MASP1: variants seen among roughly 807,000 people sequenced by gnomAD.
MASP1 encodes the protein mannan-binding lectin serine protease 1.
In MASP1, 59 loss-of-function variants were observed where a neutral mutation model predicts 77.1. The observed-to-expected ratio is 0.77, with a 90% CI of 0.62 to 0.95. The LOEUF is 0.95. MASP1 is among the 40% of genes least tolerant of loss of function. The pLI is 0.00. For synonymous variants in MASP1, 362 were observed against 354.5 expected, an observed-to-expected ratio of 1.02 and a Z score of -0.24; for missense variants, 885 against 912.9, an observed-to-expected ratio of 0.97 and a Z score of 0.39.
chr3:187,221,116 C>G (rs1438659662), exon 15 of MASP1: 2 of 1,613,934 alleles, frequency 1.2e-6, no homozygotes, highest in Non-Finnish European at 1.7e-6. Flanking sequence ...GTGCTGTGGT[C>G]AACAATCGGG....
downstream of MASP1, among the ~76,000 whole-genome samples, chr3:187,232,445 T>G (rs1275171249): frequency 6.6e-6 from 1 of 152,198 alleles, no homozygotes; most frequent in Non-Finnish European, 1.5e-5. Flanking sequence ...TACTGCCTAC[T>G]TACATTTCCA....
rs182518480 is a variant in MASP1, at chr3:187,250,287, C to G, written c.1054G>C (p.Asp352His). 6.2e-6 allele frequency: 10 copies of G among 1,613,994 alleles called. No homozygotes were observed. In the East Asian group the frequency reaches 2.0e-4, roughly 32 times the overall value. ...MDTFQIECLKDGTWSNKIPTC... is the reference protein window; with the variant it reads ...MDTFQIECLKHGTWSNKIPTC... ...GGAATCTTGTTACTCCACGTCCCAT[C>G]CTTCAGACACTCAATCTGGAATGTG... Residue 352 changes from aspartate (D) to histidine (H), a missense_variant, in exon 8 of 11, where the codon GAT becomes CAT. Coordinates refer to ENST00000296280, the MANE Select transcript of MASP1 (RefSeq NM_139125.4).
intron 10 of MASP1, among the ~76,000 whole-genome samples, chr3:187,239,356 A>G (rs1480892624): frequency 6.6e-6 from 1 of 152,188 alleles, no homozygotes; most frequent in African/African-American, 2.4e-5. Context: ...CTGTCTCAAA[A>G]AAAAGGTCAG....
intron 7 of MASP1, among the ~76,000 whole-genome samples, chr3:187,250,702 C>T (rs1164143847): frequency 6.6e-6 from 1 of 152,154 alleles, no homozygotes; most frequent in Non-Finnish European, 1.5e-5. Flanking sequence ...GTTTCTGATT[C>T]AGTGAGGCTG....
rs138989954 is a variant in MASP1, at chr3:187,226,525, G to C, written c.1442-5C>G. The C allele has an allele frequency of 3.3e-3, 5,292 of 1,597,330 alleles. 21 individuals are homozygous for C. Among genetic ancestry groups the C allele is most frequent in the Middle Eastern group, 5.0e-3 (30 of 6,046 alleles). On this transcript the variant is annotated splice_polypyrimidine_tract_variant and splice_region_variant and intron_variant, in intron 11 of 15. Transcript: ENST00000337774. ...CGGTCACGATCCAGCTGGAGCCTGG[G>C]GAACAGAACACACGTCTCATCGTCC...
chr3:187,224,180 T>G (rs1342108336), intron 13 of MASP1, among the ~76,000 whole-genome samples: 1 of 152,164 alleles, frequency 6.6e-6, no homozygotes, highest in African/African-American at 2.4e-5. Context: ...GGGTCACCTA[T>G]GTTTAAGTAT....
intron 2 of MASP1, chr3:187,263,268 G>A (rs1715757360): frequency 6.3e-6 from 1 of 158,448 alleles, no homozygotes; most frequent in Admixed American, 5.9e-5. Context: ...ACAAGCAGAA[G>A]CACTGCATAT....
At chr3:187,274,847 A>G (rs1716829773) in intron 2 of MASP1, among the ~76,000 whole-genome samples, 2 of 152,160 alleles carry the variant, frequency 1.3e-5, no homozygotes, top group African/African-American at 4.8e-5. Context: ...AAAGGGCAGC[A>G]TGAGCAGAGG....
downstream of MASP1, among the ~76,000 whole-genome samples, chr3:187,232,834 T>C (rs555082787): frequency 6.6e-6 from 1 of 152,284 alleles, no homozygotes; most frequent in Non-Finnish European, 1.5e-5. Context: ...CTTCAAACCA[T>C]AAAGTGCAAA....
chr3:187,259,408 G>A (rs1715368954), intron 4 of MASP1, among the ~76,000 whole-genome samples: 1 of 152,106 alleles, frequency 6.6e-6, no homozygotes. Context: ...CTTCTTGGTG[G>A]GGAAGGTCTT....
chr3:187,290,891 G>C (rs1521597), intron 1 of MASP1, among the ~76,000 whole-genome samples: 10,990 of 152,010 alleles, frequency 0.072, 1,291 homozygotes, highest in African/African-American at 0.25. Context: ...GTCTGGTAAG[G>C]AGTGTCAAGT....
chr3:187,232,410 C>T (rs185554927), downstream of MASP1, among the ~76,000 whole-genome samples: 196 of 152,280 alleles, frequency 1.3e-3, no homozygotes, highest in African/African-American at 4.4e-3. Flanking sequence ...TAAATCTGCC[C>T]TGTCCTCTAA....
At chr3:187,286,806 G>A (rs1371540675) in intron 1 of MASP1, among the ~76,000 whole-genome samples, 1 of 152,186 alleles carries the variant, frequency 6.6e-6, no homozygotes, top group African/African-American at 2.4e-5. Context: ...ATTCCCCTGT[G>A]AGGTCCAGTA....
chr3:187,247,363 G>T, intron 8 of MASP1: 1 of 1,613,966 alleles, frequency 6.2e-7, no homozygotes, highest in Admixed American at 1.7e-5. Context: ...ACTTGAGTTC[G>T]CTCTCCAGAT....
rs760924876 is a variant in MASP1 at position 187,286,072 on chromosome 3, G to C, written c.6-16C>G. The C allele has an allele frequency of 6.3e-7, 1 of 1,593,200 alleles. No homozygotes were observed. The highest frequency in any genetic ancestry group is 1.3e-5 in the African/African-American group (1 of 74,610). Reference sequence around the variant, plus strand: ...AAGCAGCCACCTGAAAGACATGAATGTAGGTCTACTTACATTTATAAACAC... The same window carrying C: ...AAGCAGCCACCTGAAAGACATGAATCTAGGTCTACTTACATTTATAAACAC... On this transcript the variant is annotated splice_polypyrimidine_tract_variant and intron_variant, in intron 1 of 10. Coordinates refer to ENST00000296280, the MANE Select transcript of MASP1 (RefSeq NM_139125.4).
intron 1 of MASP1, chr3:187,291,218 G>A (rs1718301303): frequency 3.5e-6 from 1 of 282,256 alleles, no homozygotes; most frequent in Non-Finnish European, 7.0e-6. Flanking sequence ...CAGAAGGAAT[G>A]AACACACAAA....
chr3:187,290,879 A>AG (rs1718264730), intron 1 of MASP1, among the ~76,000 whole-genome samples: 1 of 152,060 alleles, frequency 6.6e-6, no homozygotes, highest in Non-Finnish European at 1.5e-5. Flanking sequence ...CTTGTATGAA[A>AG]GGTCTGGTAA....
chr3:187,264,798 T>C (rs1222653254), intron 2 of MASP1, among the ~76,000 whole-genome samples: 1 of 152,128 alleles, frequency 6.6e-6, no homozygotes, highest in Non-Finnish European at 1.5e-5. Context: ...TGCTAGAACT[T>C]AATAAAAAAA....
chr3:187,253,614 T>C (rs1403738410), intron 5 of MASP1, among the ~76,000 whole-genome samples: 3 of 152,226 alleles, frequency 2.0e-5, no homozygotes, highest in African/African-American at 4.8e-5. Context: ...AATGATAGAC[T>C]GGCATTGATG....
Sources: allele counts gnomAD v4.1 joint callset (sites outside exome capture counted in the v4.1 genomes callset), GRCh38; gene constraint gnomAD v4.1.1; transcripts MANE v1.5; gene names NCBI Gene and HGNC (gene_info 2026-07-23, HGNC 2026-07-21).